NPAS2: variants seen among roughly 807,000 people sequenced by gnomAD.
NPAS2 encodes neuronal PAS domain-containing protein 2.
Under a neutral mutation model 107.5 loss-of-function variants are expected in NPAS2, and 23 were observed. The ratio of observed to expected loss-of-function variants is 0.21; its 90% CI spans 0.15 to 0.30. NPAS2 has a LOEUF of 0.30. Among genes scored for constraint, NPAS2 ranks in the 10% least tolerant of loss-of-function variants. The probability of loss-of-function intolerance (pLI) is 1.00; values close to 1 mark genes in which losing one functional copy is unlikely to be tolerated. For synonymous variants in NPAS2, 403 were observed against 417.5 expected (o/e 0.97, Z 0.42); for missense variants, 756 against 1,043.3 (o/e 0.72, Z 3.79).
At chr2:100,841,044 A>G (rs62156093) in intron 1 of NPAS2, among the ~76,000 whole-genome samples, 34,072 of 152,066 alleles carry the variant, frequency 0.22, 5,136 homozygotes, top group Non-Finnish European at 0.32. Context: ...GATCTGCTTC[A>G]GGATGTTGTT....
At chr2:100,854,261 A>C (rs546605870) in intron 1 of NPAS2, among the ~76,000 whole-genome samples, 8 of 150,906 alleles carry the variant, frequency 5.3e-5, no homozygotes, top group African/African-American at 1.9e-4. Context: ...GCTCCTAGGC[A>C]TGGAGTGGGA....
intron 13 of NPAS2, 91 bp downstream of exon 13, chr2:100,975,035 G>A: frequency 7.0e-7 from 1 of 1,419,386 alleles, no homozygotes; most frequent in Non-Finnish European, 9.7e-7. Flanking sequence ...GTGGAATCAG[G>A]GCAGTCTGTG....
At chr2:100,878,425 C>G (rs1185039632) in intron 1 of NPAS2, 1 of 985,374 alleles carries the variant, frequency 1.0e-6, no homozygotes, top group Admixed American at 6.1e-5. Flanking sequence ...CAGCGTTGGA[C>G]AAGGACATGA....
In NPAS2 at chr2:100,964,079, G is replaced by C. The variant is rs766211274; in HGVS notation, c.620G>C (p.Gly207Ala). The stretch of plus-strand genomic sequence containing the variant: ...CCAGTGCCTAGCCCCTCCTGTAATG[G>C]TTTTGACAACACCCTTTCAAGACCT... ...YNNVPSPSCNGFDNTLSRPCR... is the reference protein window; with the variant it reads ...YNNVPSPSCNAFDNTLSRPCR... Residue 207 changes from glycine (G) to alanine (A), a missense_variant, in exon 8 of 21, where the codon GGT becomes GCT. Around this residue, in one of 4 missense-constraint regions of NPAS2, gnomAD observed 30 missense variants for 23.8 expected, o/e 1.26. Coordinates refer to ENST00000335681, the MANE Select transcript of NPAS2 (RefSeq NM_002518.4). 1 of 1,613,852 alleles carries C rather than the reference G, an allele frequency of 6.2e-7. No individual in the cohort carries two copies. The highest frequency in any genetic ancestry group is 8.5e-7 in the Non-Finnish European group (1 of 1,179,778).
chr2:100,982,697 G>A (rs1008885734), intron 16 of NPAS2: 2 of 350,018 alleles, frequency 5.7e-6, no homozygotes, highest in African/African-American at 2.1e-5. Context: ...CCTCGGTCCT[G>A]GGTAGTACCT....
At chr2:100,864,046 C>T (rs1002850679) in intron 1 of NPAS2, among the ~76,000 whole-genome samples, 4 of 152,172 alleles carry the variant, frequency 2.6e-5, no homozygotes, top group Non-Finnish European at 5.9e-5. Context: ...AGCATTATGC[C>T]GAGATGTCAT....
intron 7 of NPAS2, among the ~76,000 whole-genome samples, chr2:100,957,660 C>T (rs1371536109): frequency 6.6e-6 from 1 of 152,234 alleles, no homozygotes; most frequent in Non-Finnish European, 1.5e-5. Context: ...GGCGCGGTGG[C>T]TCGCGCCTGT....
At chr2:100,992,170 T>C (rs1217330067) in intron 19 of NPAS2, among the ~76,000 whole-genome samples, 1 of 152,202 alleles carries the variant, frequency 6.6e-6, no homozygotes, top group Non-Finnish European at 1.5e-5. Flanking sequence ...TCCCAACACT[T>C]TGGGAGGCCA....
At chr2:100,929,007 G>A (rs1185667351) in intron 3 of NPAS2, among the ~76,000 whole-genome samples, 2 of 152,154 alleles carry the variant, frequency 1.3e-5, no homozygotes, top group Non-Finnish European at 2.9e-5. Context: ...AGGTTCAAGC[G>A]ATTCTCCTGC....
At chr2:100,991,310 C>A (rs894670096) in intron 19 of NPAS2, among the ~76,000 whole-genome samples, 8 of 152,202 alleles carry the variant, frequency 5.3e-5, no homozygotes, top group African/African-American at 1.7e-4. Context: ...TCTGCCTTCC[C>A]CAGCCTCCTC....
chr2:100,904,936 T>C lies in NPAS2; in HGVS notation c.32+150T>C, dbSNP rs1682046105. The C allele has an allele frequency of 6.2e-6, 4 of 648,404 alleles. No homozygotes were observed. The East Asian group carries it at 1.0e-4, about 17-fold the overall frequency. The allele number at this position is 648,404 out of a possible 1,614,324, so 40.2% of individuals were successfully genotyped here. A position where few individuals can be genotyped will look rare whatever the true frequency, so the allele number is the denominator to read the frequency against. On this transcript the variant is annotated intron_variant, in intron 2 of 20. Coordinates refer to ENST00000335681, the MANE Select transcript of NPAS2 (RefSeq NM_002518.4). ...CACTCTCTGTGACATATTGCAGTGC[T>C]CCATGAGAAACCTTCTAGAGAGCTC...
chr2:100,986,812 A>T (rs962545766), intron 16 of NPAS2: 1 of 152,244 alleles, frequency 6.6e-6, no homozygotes, highest in African/African-American at 2.4e-5. Context: ...AATCAACATT[A>T]TCTACCAAAA....
chr2:100,960,695 C>T (rs904947628), intron 7 of NPAS2, among the ~76,000 whole-genome samples: 14 of 152,064 alleles, frequency 9.2e-5, no homozygotes, highest in Admixed American at 7.9e-4. Context: ...GCAGAGTGAA[C>T]GGGCCACCAG....
chr2:100,861,583 C>T (rs1678943194), intron 1 of NPAS2, among the ~76,000 whole-genome samples: 1 of 152,044 alleles, frequency 6.6e-6, no homozygotes, highest in African/African-American at 2.4e-5. Context: ...ATGTGAGGGG[C>T]AGGTGGGCTC....
chr2:100,947,645 G>A (rs1053080834), intron 5 of NPAS2, among the ~76,000 whole-genome samples: 4 of 152,022 alleles, frequency 2.6e-5, no homozygotes, highest in African/African-American at 4.8e-5. Context: ...CTCCTGTTAC[G>A]GGCAGCACAG....
intron 3 of NPAS2, among the ~76,000 whole-genome samples, chr2:100,932,254 C>T (rs1684006373): frequency 6.6e-6 from 1 of 152,152 alleles, no homozygotes. Context: ...TAAGGAGCCC[C>T]TTGTAGGCCA....
intron 1 of NPAS2, among the ~76,000 whole-genome samples, chr2:100,833,859 C>T (rs1676891011): frequency 1.3e-5 from 2 of 152,268 alleles, no homozygotes; most frequent in South Asian, 4.2e-4. Context: ...TTAAAGGATC[C>T]TATTGTTTGT....
rs1573770077 is a variant in NPAS2 at position 100,975,380 on chromosome 2, A to G, written c.1283-78A>G. 3.9e-6 allele frequency: 5 copies of G among 1,287,620 alleles called. No individual in the cohort carries two copies. In the East Asian group the frequency reaches 1.2e-4, roughly 31 times the overall value. 79.8% of individuals were successfully genotyped at this position (1,287,620 alleles called of 1,614,324 possible). On this transcript the variant is annotated intron_variant, in intron 13 of 20. Coordinates refer to ENST00000335681, the MANE Select transcript of NPAS2 (RefSeq NM_002518.4). ...AGCGAGCTCTTGTACTGTGCACACCACGGTCATGGGTCCCCTCTTCGGATG... is the reference window on the plus strand; with the variant it reads ...AGCGAGCTCTTGTACTGTGCACACCGCGGTCATGGGTCCCCTCTTCGGATG...
chr2:100,882,564 G>C (rs1680433854), intron 1 of NPAS2, among the ~76,000 whole-genome samples: 1 of 152,236 alleles, frequency 6.6e-6, no homozygotes, highest in South Asian at 2.1e-4. Flanking sequence ...AGTGAGCCGA[G>C]ATCGCACCAC....
Sources: allele counts gnomAD v4.1 joint callset (sites outside exome capture counted in the v4.1 genomes callset), GRCh38; gene constraint gnomAD v4.1.1; regional missense constraint gnomAD v4.1.1; transcripts MANE v1.5; gene names NCBI Gene and HGNC (gene_info 2026-07-23, HGNC 2026-07-21).